MADD: variants seen among roughly 807,000 people sequenced by gnomAD.
The protein encoded by MADD is MAP kinase-activating death domain protein.
In MADD, 109 loss-of-function variants were observed where a neutral mutation model predicts 176.7. That is an observed-to-expected ratio of 0.62 (90% CI 0.53 to 0.72). MADD has a LOEUF of 0.72. Ranked by LOEUF, MADD falls within the 30% of genes least tolerant of loss-of-function variation. The pLI, the probability that MADD is intolerant of heterozygous loss-of-function variation, is 0.00. For missense variants in MADD, 1,914 were observed against 2,045.5 expected, an observed-to-expected ratio of 0.94 and a Z score of 1.24; for synonymous variants, 771 against 771.3, an observed-to-expected ratio of 1.00 and a Z score of 0.01.
intron 7 of MADD, among the ~76,000 whole-genome samples, chr11:47,281,285 C>T (rs948107188): frequency 2.6e-5 from 4 of 152,212 alleles, no homozygotes; most frequent in Non-Finnish European, 2.9e-5. Context: ...AAACGACTGT[C>T]GTGGACTTCA....
In MADD at chr11:47,309,261, GA is replaced by G; in HGVS notation, c.3752-17del. The G allele has an allele frequency of 6.2e-7, 1 of 1,605,610 alleles. No individual in the cohort carries two copies. The highest frequency in any genetic ancestry group is 1.1e-5 in the South Asian group (1 of 89,294). On this transcript the variant is annotated intron_variant, in intron 23 of 32. Transcript: ENST00000402192. Reference sequence around the variant, plus strand: ...CTTAAATGTTAAATAGGCCCCCTAAGAAACCTTTATTCTATGCAGGCAAAGA... The same window carrying G: ...CTTAAATGTTAAATAGGCCCCCTAAGAACCTTTATTCTATGCAGGCAAAGA...
intron 27 of MADD, among the ~76,000 whole-genome samples, chr11:47,317,024 G>A (rs757553322): frequency 4.7e-4 from 72 of 152,230 alleles, no homozygotes; most frequent in Non-Finnish European, 8.8e-4. Flanking sequence ...GATTATAGGC[G>A]TGAGCCACCC....
In MADD at chr11:47,306,203, AGT is replaced by A. The variant is rs1413210945; in HGVS notation, c.3643-2386_3643-2385del. 1.8e-4 allele frequency among the ~76,000 whole-genome samples: 28 copies of A among 152,234 alleles called. No homozygotes were observed. The Middle Eastern group carries it at 0.014, about 74-fold the overall frequency. Reference sequence around the variant, plus strand: ...AAGGGGAGTGGGGAGGGGTAGGTGGAGTGGCTCTGCCTCCACTTGGCCCCTTG... The same window carrying A: ...AAGGGGAGTGGGGAGGGGTAGGTGGAGGCTCTGCCTCCACTTGGCCCCTTG... On this transcript the variant is annotated intron_variant, in intron 22 of 32. Coordinates refer to ENST00000402192, the Ensembl canonical transcript of MADD.
At chr11:47,273,955 A>G (rs1349826932) in exon 2 of MADD, 1 of 1,613,960 alleles carries the variant, frequency 6.2e-7, no homozygotes, top group Non-Finnish European at 8.5e-7. Flanking sequence ...TTACTTGACT[A>G]TCTAGTGATC....
At chr11:47,287,780 G>GTTTTTTTTTTTTTT in intron 15 of MADD, among the ~76,000 whole-genome samples, 1 of 117,116 alleles carries the variant, frequency 8.5e-6, no homozygotes, top group African/African-American at 3.2e-5. Context: ...TGAGAAACAT[G>GTTTTTTTTTTTTTT]TATTTTTTTT....
rs11824518 is a variant in MADD, at chr11:47,283,770, A to C, written c.1863-408A>C. ...GTGTTTTTAGTAGAGACAAGGTTTCACCATGTTGGCCAGGCTGGTTTCAAA... is the reference window on the plus strand; with the variant it reads ...GTGTTTTTAGTAGAGACAAGGTTTCCCCATGTTGGCCAGGCTGGTTTCAAA... On this transcript the variant is annotated intron_variant, in intron 10 of 32. Transcript: ENST00000402192. Among the ~76,000 whole-genome samples the C allele has an allele frequency of 5.9e-3, 904 of 152,012 alleles. 7 individuals are homozygous for C. The highest frequency in any genetic ancestry group is 0.021 in the African/African-American group (864 of 41,488).
At chr11:47,301,857 CAT>C (rs1376787039) in intron 22 of MADD, among the ~76,000 whole-genome samples, 1 of 152,180 alleles carries the variant, frequency 6.6e-6, no homozygotes, top group Non-Finnish European at 1.5e-5. Context: ...TTTGTGGCCT[CAT>C]ATGTGGTCTG....
rs753381527 is a variant in MADD, at chr11:47,282,463, C to A, written c.1552C>A (p.Arg518=). 2.5e-6 allele frequency: 4 copies of A among 1,614,194 alleles called. No individual in the cohort carries two copies. In the South Asian group the frequency reaches 4.4e-5, roughly 18 times the overall value. ...CACGCGTACCCTGCGCCTCTTTCCT[C>A]GGCCTGTGGTAGCTTTTCAAGCTGG... Residue 518 remains arginine (R), a synonymous_variant, in exon 9 of 33, where the codon CGG becomes AGG. Coordinates refer to ENST00000402192, the Ensembl canonical transcript of MADD.
rs1299763604 is a variant in MADD at position 47,275,201 on chromosome 11, G to A, written c.659+42G>A. On this transcript the variant is annotated intron_variant, in intron 3 of 32. Transcript: ENST00000402192. ...ATGCCTAATGGGGGAAGCATTTAGA[G>A]ATTCCATGTAATTGGTCTTTGAGGG... 4.5e-6 allele frequency: 7 copies of A among 1,543,346 alleles called. No individual in the cohort carries two copies. The South Asian group carries it at 7.1e-5, about 16-fold the overall frequency.
chr11:47,276,338 A>G, intron 4 of MADD, 136 bp downstream of exon 4: 1 of 790,686 alleles, frequency 1.3e-6, no homozygotes, highest in Admixed American at 2.9e-5. Context: ...GATGCCTGGT[A>G]AACAGCAGGT....
At position 47,285,157 on chromosome 11, in the gene MADD, T is replaced by TA. The variant is rs778762863; in HGVS notation, c.2375dup (p.Tyr792Ter). Reference sequence around the variant, plus strand: ...AGATGAGGATGAGCAGGGGGAAAGTTACACTCCCCGATTCAGCCAACATGT... The same window carrying TA: ...AGATGAGGATGAGCAGGGGGAAAGTTAACACTCCCCGATTCAGCCAACATGT... Residue 792 changes from tyrosine to a stop codon, truncating the protein, a stop_gained and frameshift_variant, in exon 13 of 33, where the codon TAC becomes TAAC. Transcript: ENST00000402192. LOFTEE classifies it high-confidence loss of function. 4 of 1,613,862 alleles carry TA rather than the reference T, an allele frequency of 2.5e-6. No individual in the cohort carries two copies. In the Admixed American group the frequency reaches 5.0e-5, roughly 20 times the overall value.
At chr11:47,314,223 C>T (rs2091770097) in intron 26 of MADD, among the ~76,000 whole-genome samples, 1 of 150,298 alleles carries the variant, frequency 6.7e-6, no homozygotes, top group Admixed American at 6.6e-5. Flanking sequence ...CAGAATGAGA[C>T]CCTGTCTCAA....
At chr11:47,290,230 G>A (rs745443979) in exon 18 of MADD, 60 of 1,614,034 alleles carry the variant, frequency 3.7e-5, no homozygotes, top group Non-Finnish European at 4.7e-5. Context: ...CTATGCCCAC[G>A]CGGGTCTGGG....
chr11:47,322,925 C>T (rs952404286), intron 27 of MADD, among the ~76,000 whole-genome samples: 7 of 152,014 alleles, frequency 4.6e-5, no homozygotes, highest in East Asian at 1.9e-4. Context: ...ACTTTAAGTC[C>T]GTAGAGCACA....
chr11:47,298,658 C>G (rs1413599796), intron 22 of MADD, among the ~76,000 whole-genome samples: 1 of 152,048 alleles, frequency 6.6e-6, no homozygotes. Flanking sequence ...TCATCGTGTC[C>G]TTTGTTGTGT....
intron 12 of MADD, 144 bp downstream of exon 12, chr11:47,284,709 C>G (rs1005103484): frequency 1.3e-5 from 16 of 1,251,794 alleles, no homozygotes; most frequent in Non-Finnish European, 1.6e-5. Context: ...AGCTTAGAGC[C>G]TAAGAGACCT....
At chr11:47,311,750 C>G (rs374551838) in exon 26 of MADD, 2 of 1,612,376 alleles carry the variant, frequency 1.2e-6, no homozygotes, top group South Asian at 1.1e-5. Context: ...GAATGACATC[C>G]GCAAGAAGGT....
At chr11:47,283,955 G>C (rs561898015) in intron 10 of MADD, among the ~76,000 whole-genome samples, 8 of 152,210 alleles carry the variant, frequency 5.3e-5, no homozygotes, top group Non-Finnish European at 8.8e-5. Flanking sequence ...TGATCCACCC[G>C]CCTTAGCGTC....
At chr11:47,288,905 T>G in intron 15 of MADD, 63 bp from the exon 16 acceptor site, 1 of 1,186,968 alleles carries the variant, frequency 8.4e-7, no homozygotes. Context: ...TTACTGCTCC[T>G]CGGAGGGGTA....
Sources: allele counts gnomAD v4.1 joint callset (sites outside exome capture counted in the v4.1 genomes callset), GRCh38; gene constraint gnomAD v4.1.1; transcripts MANE v1.5; gene names NCBI Gene and HGNC (gene_info 2026-07-23, HGNC 2026-07-21).